The following GTF2A2 variants were observed in gnomAD, a reference collection of about 807,000 sequenced individuals.
The protein encoded by GTF2A2 is general transcription factor IIA subunit 2, also known as transcription initiation factor IIA subunit 2.
In GTF2A2, 9 loss-of-function variants were observed where a neutral mutation model predicts 14.3. The observed-to-expected ratio is 0.63, with a 90% CI of 0.38 to 1.10. The LOEUF is 1.10. Among genes scored for constraint, GTF2A2 ranks in the 50% least tolerant of loss-of-function variants. GTF2A2 has a pLI of 0.01. For missense variants in GTF2A2, 90 were observed against 124.6 expected, an observed-to-expected ratio of 0.72 and a Z score of 1.32; for synonymous variants, 56 against 46.0, an observed-to-expected ratio of 1.22 and a Z score of -0.88.
intron 4 of GTF2A2, among the ~76,000 whole-genome samples, 198 bp from the exon 5 acceptor site, chr15:59,639,355 A>T (rs1395673768): frequency 1.3e-5 from 2 of 152,202 alleles, no homozygotes; most frequent in Non-Finnish European, 2.9e-5. Flanking sequence ...CAGAGATACA[A>T]AGATGCTTAG....
Position 59,638,869 on chromosome 15 carries a change from G to C in GTF2A2, c.*263C>G, listed in dbSNP as rs1891276736. On this transcript the variant is annotated 3_prime_UTR_variant, in exon 5 of 5. Transcript: ENST00000396060. ...TAATAGCTTCACCAGTTATTACTCA[G>C]AGTTTTAAAATGAGTTTATTAAAGA... 1 of 375,120 alleles carries C rather than the reference G, an allele frequency of 2.7e-6. No homozygotes were observed. 23.2% of individuals were successfully genotyped at this position (375,120 alleles called of 1,614,324 possible). A position where few individuals can be genotyped will look rare whatever the true frequency, so the allele number is the denominator to read the frequency against.
At chr15:59,640,525 A>G (rs544279871) in intron 4 of GTF2A2, among the ~76,000 whole-genome samples, 6 of 152,212 alleles carry the variant, frequency 3.9e-5, no homozygotes, top group Non-Finnish European at 8.8e-5. Context: ...TAAAATTAAA[A>G]CATTGAGTTA....
At chr15:59,655,873 G>GT (rs1160194539) in intron 1 of GTF2A2, among the ~76,000 whole-genome samples, 2 of 151,990 alleles carry the variant, frequency 1.3e-5, no homozygotes, top group African/African-American at 4.8e-5. Context: ...AGCAAATACT[G>GT]TAAGGCCTAC....
At chr15:59,652,382 T>C (rs1297676805) in intron 1 of GTF2A2, 56 bp from the exon 2 acceptor site, 2 of 645,692 alleles carry the variant, frequency 3.1e-6, no homozygotes, top group Non-Finnish European at 5.4e-6. Flanking sequence ...TCATAAATTA[T>C]GTATATAATA....
chr15:59,639,160 AGGAAACAAAAG>A lies in GTF2A2; in HGVS notation c.305-14_305-4del. 6.9e-7 allele frequency: 1 copy of A among 1,444,294 alleles called. No individual in the cohort carries two copies. Among genetic ancestry groups the A allele is most frequent in the Non-Finnish European group, 9.7e-7 (1 of 1,029,482 alleles). 89.5% of individuals were successfully genotyped at this position (1,444,294 alleles called of 1,614,324 possible). A position where few individuals can be genotyped will look rare whatever the true frequency, so the allele number is the denominator to read the frequency against. On this transcript the variant is annotated splice_polypyrimidine_tract_variant and splice_region_variant and intron_variant, in intron 4 of 4. Coordinates refer to ENST00000396060, the MANE Select transcript of GTF2A2 (RefSeq NM_004492.3). The stretch of plus-strand genomic sequence containing the variant: ...TTCTGTAGTATTGGAGCCAGTATCT[AGGAAACAAAAG>A]AGAAAGTAAAGTAAAGTAAATTCAA...
chr15:59,644,221 A>G (rs1409861988), intron 3 of GTF2A2: 6 of 152,318 alleles, frequency 3.9e-5, no homozygotes, highest in African/African-American at 1.4e-4. Context: ...AATGTGATGA[A>G]AGTCGTGCAT....
At chr15:59,646,525 G>T (rs1891612248) in intron 3 of GTF2A2, among the ~76,000 whole-genome samples, 1 of 152,124 alleles carries the variant, frequency 6.6e-6, no homozygotes, top group Admixed American at 6.6e-5. Context: ...AACAAAGCAA[G>T]TCCTTGGGAT....
intron 4 of GTF2A2, chr15:59,640,289 A>C (rs1891366203): frequency 6.6e-6 from 1 of 152,184 alleles, no homozygotes; most frequent in South Asian, 2.1e-4. Flanking sequence ...TCTAAGGACT[A>C]CCAGACAGGA....
chr15:59,639,040 C>CAATTCTAGAATAAATAAAAAGTCTCTTCT lies in GTF2A2; in HGVS notation c.*63_*91dup. ...GTATAGCACAGTGTAGTCATTTCTG[C>CAATTCTAGAATAAATAAAAAGTCTCTTCT]AATTCTAGAATAAATAAAAAGTCTC... On this transcript the variant is annotated 3_prime_UTR_variant, in exon 5 of 5. Transcript: ENST00000396060. 1 of 787,158 alleles carries CAATTCTAGAATAAATAAAAAGTCTCTTCT rather than the reference C, an allele frequency of 1.3e-6. No homozygotes were observed. The highest frequency in any genetic ancestry group is 2.5e-5 in the East Asian group (1 of 39,766). 48.8% of individuals were successfully genotyped at this position (787,158 alleles called of 1,614,324 possible).
intron 1 of GTF2A2, among the ~76,000 whole-genome samples, chr15:59,653,905 T>C (rs1026588717): frequency 6.6e-6 from 1 of 152,206 alleles, no homozygotes; most frequent in African/African-American, 2.4e-5. Flanking sequence ...GTAACTTCTC[T>C]TTTTCTTACC....
At chr15:59,641,101 C>A (rs1566924679) in intron 4 of GTF2A2, among the ~76,000 whole-genome samples, 1 of 151,860 alleles carries the variant, frequency 6.6e-6, no homozygotes, top group East Asian at 1.9e-4. Flanking sequence ...CGCCTGTAAT[C>A]CCAGCACTCT....
intron 3 of GTF2A2, among the ~76,000 whole-genome samples, chr15:59,648,212 G>C (rs1891670369): frequency 6.6e-6 from 1 of 151,462 alleles, no homozygotes; most frequent in African/African-American, 2.4e-5. Flanking sequence ...TTCGAGACCA[G>C]CCTGGCCAAC....
chr15:59,641,408 A>C (rs1566925134), intron 4 of GTF2A2, among the ~76,000 whole-genome samples: 1 of 152,150 alleles, frequency 6.6e-6, no homozygotes, highest in Non-Finnish European at 1.5e-5. Context: ...AATCCGACTC[A>C]AACAGGGAAA....
chr15:59,653,800 T>A (rs1891864181), intron 1 of GTF2A2, among the ~76,000 whole-genome samples: 1 of 152,190 alleles, frequency 6.6e-6, no homozygotes, highest in African/African-American at 2.4e-5. Flanking sequence ...ATGTTTCTGA[T>A]GCTACTCTTG....
At chr15:59,643,993 C>G (rs1412462909) in intron 3 of GTF2A2, among the ~76,000 whole-genome samples, 1 of 152,180 alleles carries the variant, frequency 6.6e-6, no homozygotes, top group East Asian at 1.9e-4. Context: ...CTCCCAGGTT[C>G]AAGTGATTCT....
In GTF2A2 at chr15:59,650,792, C is replaced by A. The variant is rs1040683084; in HGVS notation, c.73-19G>T. ...GTTGAGACTGAGAAAAGGTAAAGGT[C>A]ATAAATCCCGTTAAGGAAGAACATT... is the stretch of plus-strand genomic sequence containing the variant. On this transcript the variant is annotated intron_variant, in intron 2 of 4. Coordinates refer to ENST00000396060, the MANE Select transcript of GTF2A2 (RefSeq NM_004492.3). The A allele has an allele frequency of 3.9e-6, 5 of 1,271,492 alleles. No individual in the cohort carries two copies. Among genetic ancestry groups the A allele is most frequent in the African/African-American group, 1.5e-5 (1 of 68,052 alleles). 78.8% of individuals were successfully genotyped at this position (1,271,492 alleles called of 1,614,324 possible).
At chr15:59,655,995 C>T (rs1396889998) in intron 1 of GTF2A2, among the ~76,000 whole-genome samples, 1 of 152,162 alleles carries the variant, frequency 6.6e-6, no homozygotes, top group African/African-American at 2.4e-5. Context: ...AATGATTTCC[C>T]TGCTTCTACA....
At chr15:59,646,699 T>G (rs889562021) in intron 3 of GTF2A2, among the ~76,000 whole-genome samples, 1 of 152,200 alleles carries the variant, frequency 6.6e-6, no homozygotes, top group Non-Finnish European at 1.5e-5. Flanking sequence ...AAAACTTGAC[T>G]GAAAGATATT....
intron 1 of GTF2A2, chr15:59,656,834 T>C (rs1303569578): frequency 6.6e-6 from 1 of 152,232 alleles, no homozygotes; most frequent in Admixed American, 6.5e-5. Flanking sequence ...AAATTCCTTG[T>C]TAAGTGTTCT....
Sources: allele counts gnomAD v4.1 joint callset (sites outside exome capture counted in the v4.1 genomes callset), GRCh38; gene constraint gnomAD v4.1.1; transcripts MANE v1.5; gene names NCBI Gene and HGNC (gene_info 2026-07-23, HGNC 2026-07-21).